CNTN1: variants seen among roughly 807,000 people sequenced by gnomAD.
CNTN1 encodes the protein contactin-1.
In CNTN1, 38 loss-of-function variants were observed where a neutral mutation model predicts 126.4. The observed-to-expected ratio is 0.30, with a 90% confidence interval of 0.23 to 0.39. The LOEUF is 0.39. CNTN1 is among the 10% of genes least tolerant of loss of function. CNTN1 has a pLI of 1.00. For synonymous variants in CNTN1, 413 were observed against 422.6 expected (o/e 0.98, Z 0.28); for missense variants, 1,009 against 1,248.4 (o/e 0.81, Z 2.89).
chr12:40,889,112 T>C (rs1944154894), intron 1 of CNTN1, among the ~76,000 whole-genome samples: 1 of 152,248 alleles, frequency 6.6e-6, no homozygotes, highest in African/African-American at 2.4e-5. Flanking sequence ...GGGTTAAACC[T>C]GCTGCCTTGG....
chr12:40,726,859 T>A lies in CNTN1; in HGVS notation c.-77+34267T>A, dbSNP rs372731066. Among the ~76,000 whole-genome samples the A allele has an allele frequency of 5.3e-5, 8 of 151,628 alleles. No homozygotes were observed. The South Asian group carries it at 1.7e-3, about 31-fold the overall frequency. ...TAGCCATCACAATTTTCATAATGTA[T>A]ATTTTCTCTAAAATACTTATGTTTA... On this transcript the variant is annotated intron_variant, in intron 1 of 23. Coordinates refer to ENST00000551295, the MANE Select transcript of CNTN1 (RefSeq NM_001843.4).
In CNTN1 at chr12:40,859,428, G is replaced by A. The variant is rs536832770; in HGVS notation, c.-76-48929G>A. On this transcript the variant is annotated intron_variant, in intron 1 of 23. Transcript: ENST00000551295. ...GAAACTGTGTGGGCAGATGAAGGGG[G>A]TATATGGGAACCTATCTGATCTTTT... 5.3e-5 allele frequency among the ~76,000 whole-genome samples: 8 copies of A among 152,014 alleles called. No homozygotes were observed. In the South Asian group the frequency reaches 1.5e-3, roughly 28 times the overall value.
chr12:40,917,452 C>T (rs1945286219), intron 3 of CNTN1, among the ~76,000 whole-genome samples: 1 of 152,076 alleles, frequency 6.6e-6, no homozygotes, highest in African/African-American at 2.4e-5. Flanking sequence ...TCCAAAGGCA[C>T]ACTGATAATG....
chr12:40,956,276 A>G (rs1199262472), intron 14 of CNTN1, among the ~76,000 whole-genome samples: 2 of 152,144 alleles, frequency 1.3e-5, no homozygotes, highest in Non-Finnish European at 2.9e-5. Context: ...ACACAGGGAT[A>G]CAACATGTCT....
chr12:40,802,005 T>C (rs1349775294), intron 1 of CNTN1, among the ~76,000 whole-genome samples: 3 of 150,760 alleles, frequency 2.0e-5, no homozygotes, highest in Admixed American at 6.6e-5. Context: ...AATTAGGGGA[T>C]AGAAAAAGGA....
chr12:40,746,595 G>A lies in CNTN1; in HGVS notation c.-77+54003G>A, dbSNP rs144985227. On this transcript the variant is annotated intron_variant, in intron 1 of 23. Transcript: ENST00000551295. ...GTGGGGTTTGATCTTTTGAGTTGGG[G>A]TTTTATATATTGGCATACTTCCAAG... Among the ~76,000 whole-genome samples the A allele has an allele frequency of 1.7e-3, 259 of 152,218 alleles. 1 individual carries two copies. In the East Asian group the frequency reaches 0.02, roughly 12 times the overall value.
At chr12:40,977,766 GT>G (rs201781273) in intron 15 of CNTN1, among the ~76,000 whole-genome samples, 1 of 1,798 alleles carries the variant, frequency 5.6e-4, no homozygotes, top group Non-Finnish European at 3.4e-3. Context: ...ACAATCATCT[GT>G]TTTGTTTTGT....
intron 15 of CNTN1, among the ~76,000 whole-genome samples, chr12:40,969,335 A>G (rs1947417026): frequency 2.0e-5 from 3 of 152,326 alleles, no homozygotes; most frequent in South Asian, 2.1e-4. Flanking sequence ...ATGAAGCTAC[A>G]GAGAGATTTT....
At chr12:40,801,872 C>T (rs572255907) in intron 1 of CNTN1, among the ~76,000 whole-genome samples, 8 of 151,022 alleles carry the variant, frequency 5.3e-5, no homozygotes, top group South Asian at 2.1e-4. Flanking sequence ...AGTGTGAATA[C>T]GGGGAAATCA....
At chr12:40,828,587 C>A (rs1941698023) in intron 1 of CNTN1, among the ~76,000 whole-genome samples, 1 of 152,058 alleles carries the variant, frequency 6.6e-6, no homozygotes. Context: ...TGAGCTGAAT[C>A]AATAAGTGGA....
rs1945570812 is a variant in CNTN1 at position 40,924,629 on chromosome 12, G to C, written c.473G>C (p.Cys158Ser). 3.1e-6 allele frequency: 5 copies of C among 1,601,114 alleles called. No individual in the cohort carries two copies. Among genetic ancestry groups the C allele is most frequent in the Non-Finnish European group, 4.3e-6 (5 of 1,168,872 alleles). The change falls in exon 6 of 24, where the codon TGT becomes TCT. Residue 158 changes from cysteine to serine, a missense_variant. Transcript: ENST00000551295. ...GAAGGGAAAGGAATGGTGCTTCTCT[G>C]TGACCCCCCATACCATTTTCCAGGT... ...VKEGKGMVLL[C>S]DPPYHFPDDL...
intron 1 of CNTN1, among the ~76,000 whole-genome samples, chr12:40,791,659 CTG>C (rs1940225268): frequency 6.6e-6 from 1 of 152,112 alleles, no homozygotes; most frequent in South Asian, 2.1e-4. Flanking sequence ...TCACAAAAAA[CTG>C]TGAATTATGT....
chr12:40,719,692 C>T (rs748090383), intron 1 of CNTN1, among the ~76,000 whole-genome samples: 1 of 152,208 alleles, frequency 6.6e-6, no homozygotes, highest in Non-Finnish European at 1.5e-5. Flanking sequence ...AAATACATAA[C>T]ATGCTTGCTA....
intron 3 of CNTN1, among the ~76,000 whole-genome samples, chr12:40,912,375 A>G (rs1403223061): frequency 6.8e-6 from 1 of 147,584 alleles, no homozygotes; most frequent in African/African-American, 2.5e-5. Flanking sequence ...TTCCACTTGT[A>G]GTCTGCATTT....
intron 4 of CNTN1, 51 bp downstream of exon 4, chr12:40,918,822 C>T (rs1945336037): frequency 1.0e-5 from 16 of 1,598,008 alleles, no homozygotes; most frequent in Non-Finnish European, 1.4e-5. Flanking sequence ...GTAATGATCA[C>T]AGATCAGCAT....
Position 41,072,395 on chromosome 12 carries a change from CT to C in CNTN1, c.*2362del, listed in dbSNP as rs1168483953. The C allele has an allele frequency of 6.6e-6, 1 of 151,974 alleles. No homozygotes were observed. Among genetic ancestry groups the C allele is most frequent in the African/African-American group, 2.4e-5 (1 of 41,370 alleles). The allele number at this position is 151,974 out of a possible 1,614,324, so 9.4% of individuals were successfully genotyped here. A position where few individuals can be genotyped will look rare whatever the true frequency, so the allele number is the denominator to read the frequency against. On this transcript the variant is annotated 3_prime_UTR_variant, in exon 24 of 24. Coordinates refer to ENST00000551295, the MANE Select transcript of CNTN1 (RefSeq NM_001843.4). ...AAAATTAGTATAAAGTAATAAATGT[CT>C]TATGTTACCCAAGAAAGAACAACTG...
intron 1 of CNTN1, among the ~76,000 whole-genome samples, chr12:40,724,648 C>T (rs935127541): frequency 3.3e-5 from 5 of 152,140 alleles, no homozygotes; most frequent in African/African-American, 1.2e-4. Context: ...CATGAGCAAA[C>T]AGAAGAACAC....
At chr12:40,885,444 G>A (rs1262862423) in intron 1 of CNTN1, among the ~76,000 whole-genome samples, 3 of 151,836 alleles carry the variant, frequency 2.0e-5, no homozygotes, top group Non-Finnish European at 2.9e-5. Flanking sequence ...GAAACAATTT[G>A]GTAGAGTACT....
intron 1 of CNTN1, among the ~76,000 whole-genome samples, chr12:40,824,585 T>G (rs1941547611): frequency 6.6e-6 from 1 of 152,124 alleles, no homozygotes; most frequent in South Asian, 2.1e-4. Context: ...CCTAAATAAT[T>G]TATTTAATTC....
Sources: allele counts gnomAD v4.1 joint callset (sites outside exome capture counted in the v4.1 genomes callset), GRCh38; gene constraint gnomAD v4.1.1; transcripts MANE v1.5; gene names NCBI Gene and HGNC (gene_info 2026-07-23, HGNC 2026-07-21).